PAK5: variants seen among roughly 807,000 people sequenced by gnomAD.
PAK5 encodes the protein p21 (RAC1) activated kinase 5.
Under a neutral mutation model 65.9 loss-of-function variants are expected in PAK5, and 16 were observed. The observed-to-expected ratio is 0.24, with a 90% CI of 0.16 to 0.37. The LOEUF (loss-of-function observed/expected upper bound fraction) is 0.37, where lower values mean the gene tolerates loss of function less well. Among genes scored for constraint, PAK5 ranks in the 10% least tolerant of loss-of-function variants. The pLI, the probability that PAK5 is intolerant of heterozygous loss-of-function variation, is 1.00. For synonymous variants in PAK5, 371 were observed against 354.9 expected, an observed-to-expected ratio of 1.05 and a Z score of -0.51; for missense variants, 785 against 903.9, an observed-to-expected ratio of 0.87 and a Z score of 1.69.
chr20:9,787,985 G>GT (rs1021706135), intron 1 of PAK5, among the ~76,000 whole-genome samples: 8 of 151,076 alleles, frequency 5.3e-5, no homozygotes, highest in Admixed American at 1.3e-4. Flanking sequence ...GTGTGTGTTG[G>GT]GGGGGGTATG....
chr20:9,703,656 T>C (rs1231092766), intron 2 of PAK5, among the ~76,000 whole-genome samples: 1 of 152,164 alleles, frequency 6.6e-6, no homozygotes, highest in Non-Finnish European at 1.5e-5. Context: ...TGAGACCCAA[T>C]GTCTTGTTTC....
chr20:9,801,869 T>C (rs1369930369), intron 1 of PAK5, among the ~76,000 whole-genome samples: 1 of 152,158 alleles, frequency 6.6e-6, no homozygotes, highest in Non-Finnish European at 1.5e-5. Context: ...TGGCGCTTCA[T>C]GTATTGCTAC....
intron 1 of PAK5, among the ~76,000 whole-genome samples, chr20:9,750,286 A>C (rs569939455): frequency 6.6e-6 from 1 of 152,278 alleles, no homozygotes; most frequent in South Asian, 2.1e-4. Flanking sequence ...CTCTGCTTTA[A>C]GATAAAAGTG....
At chr20:9,611,314 A>G (rs2046555027) in intron 3 of PAK5, among the ~76,000 whole-genome samples, 1 of 152,204 alleles carries the variant, frequency 6.6e-6, no homozygotes. Context: ...AAAACAGAAC[A>G]TAAAGTCCTG....
At chr20:9,548,003 G>A (rs2045369747) in intron 7 of PAK5, among the ~76,000 whole-genome samples, 1 of 152,200 alleles carries the variant, frequency 6.6e-6, no homozygotes, top group Non-Finnish European at 1.5e-5. Context: ...ACTGACAAAA[G>A]CCTTAACATT....
chr20:9,748,513 G>A (rs560075015), intron 1 of PAK5, among the ~76,000 whole-genome samples: 1 of 152,248 alleles, frequency 6.6e-6, no homozygotes, highest in African/African-American at 2.4e-5. Flanking sequence ...GAACAGAACA[G>A]AGCCCTCAGA....
At chr20:9,574,169 G>T (rs189013360) in intron 4 of PAK5, among the ~76,000 whole-genome samples, 1 of 152,220 alleles carries the variant, frequency 6.6e-6, no homozygotes, top group East Asian at 1.9e-4. Flanking sequence ...GCAATTAGGG[G>T]AATGGGACTC....
intron 1 of PAK5, among the ~76,000 whole-genome samples, chr20:9,759,911 G>A (rs373720832): frequency 2.3e-4 from 35 of 152,232 alleles, no homozygotes; most frequent in East Asian, 7.7e-4. Flanking sequence ...TTCAATATCC[G>A]CCTGTCAGCC....
intron 3 of PAK5, among the ~76,000 whole-genome samples, chr20:9,626,410 C>T (rs746189920): frequency 3.2e-4 from 48 of 152,328 alleles, no homozygotes; most frequent in Non-Finnish European, 5.7e-4. Flanking sequence ...TTGAAGGCAA[C>T]AACGATATTT....
At chr20:9,636,513 T>C (rs182279947) in intron 3 of PAK5, among the ~76,000 whole-genome samples, 1 of 152,248 alleles carries the variant, frequency 6.6e-6, no homozygotes. Flanking sequence ...TACCGAAGAC[T>C]ACAAAGACAA....
At chr20:9,670,752 C>T (rs1416405674) in intron 2 of PAK5, among the ~76,000 whole-genome samples, 7 of 152,070 alleles carry the variant, frequency 4.6e-5, no homozygotes, top group Non-Finnish European at 1.0e-4. Flanking sequence ...TAGTTTCTTT[C>T]ACTGTGCAGA....
chr20:9,731,791 G>C (rs796559402), intron 1 of PAK5, among the ~76,000 whole-genome samples: 1 of 152,272 alleles, frequency 6.6e-6, no homozygotes, highest in African/African-American at 2.4e-5. Flanking sequence ...GCAAGTAGAC[G>C]AATTGTGGGG....
At chr20:9,574,485 G>A (rs1363472438) in intron 4 of PAK5, among the ~76,000 whole-genome samples, 1 of 152,318 alleles carries the variant, frequency 6.6e-6, no homozygotes, top group East Asian at 1.9e-4. Context: ...GTGATGTGGA[G>A]GGACTCTTCG....
intron 1 of PAK5, among the ~76,000 whole-genome samples, chr20:9,819,177 A>C (rs1157382878): frequency 6.6e-6 from 1 of 152,198 alleles, no homozygotes; most frequent in Non-Finnish European, 1.5e-5. Context: ...TTTAGGATGC[A>C]ATTTTATCAC....
chr20:9,705,430 G>C (rs2047993913), intron 2 of PAK5, among the ~76,000 whole-genome samples: 2 of 152,176 alleles, frequency 1.3e-5, no homozygotes. Flanking sequence ...GGCATGAGGA[G>C]AATGGTGTTC....
At chr20:9,631,170 T>C (rs762748144) in intron 3 of PAK5, among the ~76,000 whole-genome samples, 1 of 152,174 alleles carries the variant, frequency 6.6e-6, no homozygotes, top group Non-Finnish European at 1.5e-5. Context: ...AGACAGACCC[T>C]AGGGTGACCC....
At chr20:9,579,023 C>T (rs1467724914) in intron 4 of PAK5, among the ~76,000 whole-genome samples, 3 of 152,166 alleles carry the variant, frequency 2.0e-5, no homozygotes, top group Non-Finnish European at 4.4e-5. Flanking sequence ...TCCAACAATA[C>T]ACTTAAATGG....
intron 1 of PAK5, among the ~76,000 whole-genome samples, chr20:9,771,815 G>A (rs902064481): frequency 3.9e-5 from 6 of 151,968 alleles, no homozygotes; most frequent in Non-Finnish European, 7.4e-5. Context: ...GGGGGAGGGC[G>A]GATCACTTGA....
At chr20:9,578,928 A>G (rs1286652187) in intron 4 of PAK5, among the ~76,000 whole-genome samples, 1 of 152,124 alleles carries the variant, frequency 6.6e-6, no homozygotes, top group African/African-American at 2.4e-5. Context: ...TCAGGCCTCT[A>G]TTTATCAAGA....
Sources: allele counts gnomAD v4.1 joint callset (sites outside exome capture counted in the v4.1 genomes callset), GRCh38; gene constraint gnomAD v4.1.1; transcripts MANE v1.5; gene names NCBI Gene and HGNC (gene_info 2026-07-23, HGNC 2026-07-21).